Variants in CBLN2 observed in about 807,000 individuals in gnomAD.
CBLN2 encodes the protein cerebellin 2 precursor.
CBLN2 carries 7 observed loss-of-function variants against 15.0 expected under a neutral mutation model. The ratio of observed to expected loss-of-function variants is 0.47; its 90% CI spans 0.27 to 0.88. CBLN2 has a LOEUF of 0.88. Among genes scored for constraint, CBLN2 ranks in the 40% least tolerant of loss-of-function variants. The pLI is 0.14. For synonymous variants in CBLN2, 149 were observed against 135.2 expected (o/e 1.10, Z -0.71); for missense variants, 242 against 304.5 (o/e 0.79, Z 1.53).
At chr18:72,607,703 TTCTC>T (rs1027927834) in intron 1 of CBLN2, among the ~76,000 whole-genome samples, 2 of 128,484 alleles carry the variant, frequency 1.6e-5, no homozygotes, top group African/African-American at 3.7e-5. Flanking sequence ...CTTTCTCTCT[TTCTC>T]TCTCTCTCTC....
At position 72,596,632 on chromosome 18, in the gene CBLN2, T is replaced by C. The variant is rs182163804; in HGVS notation, c.15+41693A>G. Reference sequence around the variant, plus strand: ...TGTTGATGAAAGCCCTTAGCTTTTGTTTGTCTGAGAAGGTCTTTATTTCTT... The same window carrying C: ...TGTTGATGAAAGCCCTTAGCTTTTGCTTGTCTGAGAAGGTCTTTATTTCTT... On this transcript the variant is annotated intron_variant, in intron 1 of 2. Coordinates refer to the CBLN2 transcript ENST00000581073. Among the ~76,000 whole-genome samples, 334 of 152,314 alleles carry C rather than the reference T, an allele frequency of 2.2e-3. 1 individual carries two copies. The highest frequency in any genetic ancestry group is 7.7e-3 in the African/African-American group (319 of 41,578).
rs148175650 is a variant in CBLN2, at chr18:72,577,511, T to C, written c.16-38739A>G. 1.7e-4 allele frequency among the ~76,000 whole-genome samples: 26 copies of C among 152,320 alleles called. 1 individual carries two copies. Among genetic ancestry groups the C allele is most frequent in the African/African-American group, 6.3e-4 (26 of 41,580 alleles). ...TCCACAGCAAAGCATCCCATTTGAA[T>C]GTGAGCTTCAGCAATTGAGAAAAAC... On this transcript the variant is annotated intron_variant, in intron 1 of 2. Transcript: ENST00000581073.
chr18:72,570,666 A>G (rs2069326499), intron 1 of CBLN2, among the ~76,000 whole-genome samples: 1 of 151,996 alleles, frequency 6.6e-6, no homozygotes, highest in East Asian at 1.9e-4. Flanking sequence ...CATCAACACT[A>G]TCCTTGCAGG....
chr18:72,547,814 T>C (rs545919745), upstream of CBLN2, among the ~76,000 whole-genome samples: 5 of 152,308 alleles, frequency 3.3e-5, no homozygotes, highest in East Asian at 7.7e-4. Flanking sequence ...AATATAAAGG[T>C]ATGCTGTATT....
At chr18:72,557,316 C>T (rs2069232761) in intron 1 of CBLN2, among the ~76,000 whole-genome samples, 1 of 152,180 alleles carries the variant, frequency 6.6e-6, no homozygotes, top group Admixed American at 6.5e-5. Context: ...CATGTCTTTG[C>T]TATCATGAAC....
intron 1 of CBLN2, among the ~76,000 whole-genome samples, chr18:72,635,046 C>G (rs941187454): frequency 6.6e-6 from 1 of 152,082 alleles, no homozygotes; most frequent in Non-Finnish European, 1.5e-5. Context: ...GTTGTCTGAG[C>G]AATGCCTTTA....
intron 1 of CBLN2, among the ~76,000 whole-genome samples, chr18:72,553,841 G>A (rs1023349905): frequency 6.6e-6 from 1 of 152,186 alleles, no homozygotes; most frequent in African/African-American, 2.4e-5. Flanking sequence ...AACTCTGATT[G>A]ATGTTATAAA....
intron 1 of CBLN2, among the ~76,000 whole-genome samples, chr18:72,594,868 G>A (rs1427457274): frequency 2.0e-5 from 3 of 151,998 alleles, no homozygotes. Context: ...GGTATCAGTT[G>A]TAATGTCTCC....
chr18:72,576,337 T>G (rs11665041), intron 1 of CBLN2, among the ~76,000 whole-genome samples: 8 of 151,994 alleles, frequency 5.3e-5, no homozygotes, highest in African/African-American at 7.3e-5. Flanking sequence ...CCAGTCCAAA[T>G]GAGTGTTATC....
upstream of CBLN2, among the ~76,000 whole-genome samples, chr18:72,545,630 G>C (rs566085381): frequency 2.6e-4 from 39 of 152,220 alleles, 1 homozygote; most frequent in South Asian, 5.4e-3. Flanking sequence ...GTGTCTTACT[G>C]TCAAAATAAG....
exon 1 of CBLN2, chr18:72,638,451 A>G (rs987033771): frequency 2.0e-5 from 8 of 397,366 alleles, no homozygotes; most frequent in Non-Finnish European, 3.5e-5. Context: ...CTATCCAATG[A>G]CAGACTTGTT....
intron 1 of CBLN2, among the ~76,000 whole-genome samples, chr18:72,628,894 T>C (rs1241207185): frequency 1.3e-5 from 2 of 152,198 alleles, no homozygotes; most frequent in Admixed American, 6.5e-5. Context: ...CATCTCCATA[T>C]TCTCATTATT....
intron 1 of CBLN2, among the ~76,000 whole-genome samples, chr18:72,629,126 T>C (rs1252077449): frequency 5.3e-5 from 8 of 152,182 alleles, no homozygotes; most frequent in African/African-American, 1.9e-4. Context: ...CCCAACCATC[T>C]GCTATATTTA....
chr18:72,598,711 G>A (rs752679060), intron 1 of CBLN2, among the ~76,000 whole-genome samples: 7 of 152,204 alleles, frequency 4.6e-5, no homozygotes, highest in Non-Finnish European at 8.8e-5. Context: ...GTGGCAGGGT[G>A]CTCTAACTCA....
At chr18:72,619,118 T>A in intron 1 of CBLN2, 2 of 743,648 alleles carry the variant, frequency 2.7e-6, no homozygotes, top group Non-Finnish European at 4.9e-6. Flanking sequence ...GCAGAAGCTC[T>A]GGCCCCTATG....
chr18:72,584,394 C>T (rs1383420514), intron 1 of CBLN2, among the ~76,000 whole-genome samples: 1 of 152,034 alleles, frequency 6.6e-6, no homozygotes, highest in Non-Finnish European at 1.5e-5. Context: ...TCACTGCAAC[C>T]TCTGCCTCCC....
upstream of CBLN2, among the ~76,000 whole-genome samples, chr18:72,544,848 A>G (rs917747617): frequency 1.3e-5 from 2 of 152,090 alleles, no homozygotes; most frequent in African/African-American, 4.8e-5. Flanking sequence ...ACTGGGCCGT[A>G]TAGTTTATGC....
intron 1 of CBLN2, among the ~76,000 whole-genome samples, chr18:72,616,899 A>C (rs2069666349): frequency 6.6e-6 from 1 of 152,140 alleles, no homozygotes; most frequent in African/African-American, 2.4e-5. Flanking sequence ...AAAGACGTTT[A>C]TCTCTTATGG....
In CBLN2 at chr18:72,538,759, A is replaced by G; in HGVS notation, c.371T>C (p.Ile124Thr). Residue 124 changes from isoleucine to threonine, a missense_variant, in exon 4 of 5, where the codon ATT becomes ACT. Around this residue, in one of 4 missense-constraint regions of CBLN2, gnomAD observed 89 missense variants for 114.2 expected, o/e 0.78. Transcript: ENST00000269503. ...TIYFDQVLVN[I>T]GNHFDLASSI... Reference sequence around the variant, plus strand: ...GGAAGCAAGATCAAAGTGGTTGCCAATATTTACTAATACCTGAAAAAGAAG... The same window carrying G: ...GGAAGCAAGATCAAAGTGGTTGCCAGTATTTACTAATACCTGAAAAAGAAG... The G allele has an allele frequency of 1.2e-6, 2 of 1,613,712 alleles. No homozygotes were observed. Among genetic ancestry groups the G allele is most frequent in the Non-Finnish European group, 1.7e-6 (2 of 1,179,976 alleles).
Sources: gnomAD v4.1 joint callset for allele counts (sites outside exome capture counted in the v4.1 genomes callset) on GRCh38, gnomAD v4.1.1 for gene constraint, gnomAD v4.1.1 regional missense constraint, MANE v1.5 for transcripts, NCBI Gene and HGNC (gene_info 2026-07-23, HGNC 2026-07-21) for gene names.